Variants in PTPRD observed in about 807,000 individuals in gnomAD.
The protein encoded by PTPRD is receptor-type tyrosine-protein phosphatase delta.
Under a neutral mutation model 214.5 loss-of-function variants are expected in PTPRD, and 34 were observed. That is an observed-to-expected ratio of 0.16 (90% CI 0.12 to 0.21). PTPRD has a LOEUF of 0.21. PTPRD is among the 10% of genes least tolerant of loss of function. PTPRD has a pLI of 1.00. For synonymous variants in PTPRD, 1,128 were observed against 845.7 expected (o/e 1.33, Z -5.79); for missense variants, 2,545 against 2,398.7 (o/e 1.06, Z -1.27).
At chr9:10,292,003 C>G (rs2095540929) in intron 3 of PTPRD, among the ~76,000 whole-genome samples, 1 of 151,950 alleles carries the variant, frequency 6.6e-6, no homozygotes, top group South Asian at 2.1e-4. Context: ...TTCTAAATTT[C>G]CATGCACTAA....
At chr9:10,341,528 G>C (rs979249539) in intron 2 of PTPRD, among the ~76,000 whole-genome samples, 6 of 152,058 alleles carry the variant, frequency 3.9e-5, no homozygotes, top group African/African-American at 1.4e-4. Context: ...ATATGGATGA[G>C]TTATGTCTTC....
chr9:8,876,873 T>TTTAAAA (rs2098396780), intron 11 of PTPRD, among the ~76,000 whole-genome samples: 2 of 152,144 alleles, frequency 1.3e-5, no homozygotes, highest in Non-Finnish European at 2.9e-5. Context: ...AAATGTGTCC[T>TTTAAAA]TTAAAATGTA....
At chr9:8,807,348 C>A (rs927460976) in intron 11 of PTPRD, among the ~76,000 whole-genome samples, 5 of 151,998 alleles carry the variant, frequency 3.3e-5, no homozygotes, top group Non-Finnish European at 7.4e-5. Context: ...ACAACAACAA[C>A]AACAAAGTTA....
At chr9:9,257,382 A>T (rs897815146) in intron 9 of PTPRD, among the ~76,000 whole-genome samples, 2 of 152,012 alleles carry the variant, frequency 1.3e-5, no homozygotes, top group African/African-American at 4.8e-5. Flanking sequence ...AGGATGGAAG[A>T]GTTGGCTTCC....
intron 3 of PTPRD, among the ~76,000 whole-genome samples, chr9:10,056,785 G>T (rs2097658978): frequency 6.6e-6 from 1 of 152,104 alleles, no homozygotes; most frequent in South Asian, 2.1e-4. Context: ...TATATCATGG[G>T]AATAAATTAA....
At chr9:9,956,062 A>C (rs1187859920) in intron 4 of PTPRD, among the ~76,000 whole-genome samples, 2 of 152,250 alleles carry the variant, frequency 1.3e-5, no homozygotes, top group Non-Finnish European at 2.9e-5. Flanking sequence ...TCACGTGTTA[A>C]ATGCAAGCTT....
intron 10 of PTPRD, among the ~76,000 whole-genome samples, chr9:9,044,584 C>T (rs1237782652): frequency 6.6e-6 from 1 of 152,142 alleles, no homozygotes; most frequent in African/African-American, 2.4e-5. Flanking sequence ...GGCTGTCTAA[C>T]TAAATAACAA....
intron 7 of PTPRD, among the ~76,000 whole-genome samples, chr9:9,698,974 G>A (rs1595521435): frequency 1.3e-5 from 2 of 152,206 alleles, no homozygotes; most frequent in East Asian, 3.9e-4. Context: ...TGTTCCTTGT[G>A]TCTAACTTTT....
intron 2 of PTPRD, among the ~76,000 whole-genome samples, chr9:10,514,485 T>C (rs1431675959): frequency 2.6e-5 from 4 of 151,712 alleles, no homozygotes; most frequent in African/African-American, 7.2e-5. Context: ...TTTTTATAAA[T>C]AGGAAGGTGA....
intron 3 of PTPRD, among the ~76,000 whole-genome samples, chr9:10,262,800 C>T (rs189751805): frequency 7.2e-4 from 110 of 152,260 alleles, no homozygotes; most frequent in Admixed American, 3.2e-3. Flanking sequence ...TTTGCACAGA[C>T]CCTTTGCACA....
At chr9:8,460,373 G>A (rs1294085647) in intron 33 of PTPRD, 38 bp downstream of exon 33, 1 of 1,606,142 alleles carries the variant, frequency 6.2e-7, no homozygotes, top group Non-Finnish European at 8.5e-7. Flanking sequence ...AAATAAGGCA[G>A]CCTCCAAAAT....
At chr9:10,540,447 G>C (rs756750293) in intron 2 of PTPRD, among the ~76,000 whole-genome samples, 13 of 152,212 alleles carry the variant, frequency 8.5e-5, no homozygotes, top group Middle Eastern at 3.4e-3. Context: ...TCTTGTATGA[G>C]GAAGATTTAA....
rs375745312 is a variant in PTPRD at position 8,690,251 on chromosome 9, G to C, written c.64+43529C>G. 6.9e-4 allele frequency among the ~76,000 whole-genome samples: 105 copies of C among 152,078 alleles called. 4 individuals are homozygous for C. In the South Asian group the frequency reaches 0.022, roughly 31 times the overall value. ...TCTTTAAAATATTTAGATTTGGCCG[G>C]GTGCGGAGGCTTGTGTCTGCAGTCC... is the stretch of plus-strand genomic sequence containing the variant. On this transcript the variant is annotated intron_variant, in intron 12 of 45. Coordinates refer to ENST00000381196, the MANE Select transcript of PTPRD (RefSeq NM_002839.4).
intron 2 of PTPRD, among the ~76,000 whole-genome samples, chr9:10,562,069 G>A (rs2064127144): frequency 6.6e-6 from 1 of 151,994 alleles, no homozygotes; most frequent in African/African-American, 2.4e-5. Context: ...CATTAATTGA[G>A]GAGTGAAACA....
chr9:9,740,262 T>C (rs1178928700), intron 6 of PTPRD, among the ~76,000 whole-genome samples: 1 of 152,232 alleles, frequency 6.6e-6, no homozygotes, highest in Non-Finnish European at 1.5e-5. Flanking sequence ...TTCCTTGTTA[T>C]GCATATTAGC....
chr9:8,418,819 C>G (rs538842366), intron 35 of PTPRD, among the ~76,000 whole-genome samples: 1 of 152,036 alleles, frequency 6.6e-6, no homozygotes, highest in African/African-American at 2.4e-5. Flanking sequence ...AAGCTATGAA[C>G]CATTCAAGTT....
chr9:10,010,903 C>G (rs538189209), intron 4 of PTPRD, among the ~76,000 whole-genome samples: 2 of 151,868 alleles, frequency 1.3e-5, no homozygotes, highest in East Asian at 3.9e-4. Flanking sequence ...AAAAAAAAAT[C>G]TAGGTAACAT....
intron 5 of PTPRD, among the ~76,000 whole-genome samples, chr9:9,933,469 A>G (rs1226856942): frequency 2.6e-5 from 4 of 151,830 alleles, no homozygotes; most frequent in Non-Finnish European, 5.9e-5. Context: ...CAAAGATCAA[A>G]AGAGACAAAG....
At position 8,406,678 on chromosome 9, in the gene PTPRD, A is replaced by G. The variant is rs780966079; in HGVS notation, c.4087-2018T>C. ...ATGTTTTTGAGAAAAGTTCATAAAG[A>G]GAAATCATAGAGTAATTCCTCTATA... On this transcript the variant is annotated intron_variant, in intron 35 of 45. Coordinates refer to ENST00000381196, the MANE Select transcript of PTPRD (RefSeq NM_002839.4). Among the ~76,000 whole-genome samples, 8 of 152,250 alleles carry G rather than the reference A, an allele frequency of 5.3e-5. No homozygotes were observed. The South Asian group carries it at 8.3e-4, about 16-fold the overall frequency.
Sources: gnomAD v4.1 joint callset for allele counts (sites outside exome capture counted in the v4.1 genomes callset) on GRCh38, gnomAD v4.1.1 for gene constraint, MANE v1.5 for transcripts, NCBI Gene and HGNC (gene_info 2026-07-23, HGNC 2026-07-21) for gene names.